ENTPD6: variants seen among roughly 807,000 people sequenced by gnomAD.
The protein encoded by ENTPD6 is CD39 antigen-like 2.
ENTPD6 carries 46 observed loss-of-function variants against 61.5 expected under a neutral mutation model. The ratio of observed to expected loss-of-function variants is 0.75; its 90% CI spans 0.59 to 0.96. The LOEUF (loss-of-function observed/expected upper bound fraction) is 0.96, where lower values mean the gene tolerates loss of function less well. ENTPD6 is among the 40% of genes least tolerant of loss of function. The probability of loss-of-function intolerance (pLI) is 0.00; values close to 1 mark genes in which losing one functional copy is unlikely to be tolerated. For missense variants in ENTPD6, 612 were observed against 629.0 expected, an observed-to-expected ratio of 0.97 and a Z score of 0.29; for synonymous variants, 252 against 255.5, an observed-to-expected ratio of 0.99 and a Z score of 0.13.
At chr20:25,201,377 A>G (rs2091019280) in intron 1 of ENTPD6, among the ~76,000 whole-genome samples, 1 of 152,148 alleles carries the variant, frequency 6.6e-6, no homozygotes, top group Non-Finnish European at 1.5e-5. Context: ...TAATATTACT[A>G]TTATTGATAG....
intron 1 of ENTPD6, chr20:25,196,370 T>A: frequency 2.9e-6 from 1 of 343,340 alleles, no homozygotes; most frequent in Non-Finnish European, 4.1e-6. Flanking sequence ...AGCTGACCTG[T>A]GAGCCGCGAA....
intron 1 of ENTPD6, chr20:25,197,192 C>T (rs554438601): frequency 1.0e-6 from 1 of 985,486 alleles, no homozygotes; most frequent in Admixed American, 6.1e-5. Context: ...AGGCAGCCAT[C>T]AATCCACATC....
intron 12 of ENTPD6, chr20:25,223,833 G>T: frequency 2.9e-6 from 1 of 343,832 alleles, no homozygotes; most frequent in Non-Finnish European, 5.2e-6. Context: ...CTCAATTTGG[G>T]GTCCTGGGTT....
intron 1 of ENTPD6, among the ~76,000 whole-genome samples, chr20:25,197,788 C>G (rs2090619932): frequency 6.6e-6 from 1 of 152,200 alleles, no homozygotes; most frequent in African/African-American, 2.4e-5. Context: ...TGGACTCTTG[C>G]TTTTGTCTTC....
chr20:25,196,091 G>C, intron 1 of ENTPD6: 1 of 1,073,238 alleles, frequency 9.3e-7, no homozygotes, highest in Non-Finnish European at 1.2e-6. Flanking sequence ...GCCACAGGGC[G>C]GGCCAAATAG....
At chr20:25,207,434 T>G in intron 3 of ENTPD6, 37 bp downstream of exon 3, 67 of 1,482,994 alleles carry the variant, frequency 4.5e-5, no homozygotes, top group Non-Finnish European at 5.7e-5. Context: ...CGGGATCTCC[T>G]CCCCTGTGCT....
At chr20:25,215,034 C>T in intron 6 of ENTPD6, 92 bp downstream of exon 6, 1 of 840,396 alleles carries the variant, frequency 1.2e-6, no homozygotes. Context: ...CCACCCCTCC[C>T]CGCCCCATGT....
At chr20:25,203,436 C>T (rs992845641) in intron 1 of ENTPD6, among the ~76,000 whole-genome samples, 4 of 152,206 alleles carry the variant, frequency 2.6e-5, no homozygotes, top group African/African-American at 9.6e-5. Flanking sequence ...CCCTAAGTCC[C>T]TGAGGCTCTG....
intron 1 of ENTPD6, among the ~76,000 whole-genome samples, chr20:25,202,845 C>A (rs900178262): frequency 6.6e-6 from 1 of 152,118 alleles, no homozygotes; most frequent in African/African-American, 2.4e-5. Context: ...TATATTTGTC[C>A]CTCCATTTGC....
chr20:25,223,174 A>T (rs1314466323), intron 12 of ENTPD6, among the ~76,000 whole-genome samples, 196 bp downstream of exon 12: 1 of 152,166 alleles, frequency 6.6e-6, no homozygotes, highest in Non-Finnish European at 1.5e-5. Flanking sequence ...GCCCTTCAGT[A>T]AAACCTCGTG....
intron 1 of ENTPD6, chr20:25,196,123 G>T: frequency 8.3e-7 from 1 of 1,204,424 alleles, no homozygotes; most frequent in Non-Finnish European, 1.0e-6. Flanking sequence ...AGCCCCAGGG[G>T]GCCCCAGCCC....
At position 25,225,383 on chromosome 20, in the gene ENTPD6, A is replaced by C. The variant is rs1485502730; in HGVS notation, c.1356+66A>C. The C allele has an allele frequency of 1.6e-5, 26 of 1,595,436 alleles. No homozygotes were observed. The South Asian group carries it at 2.7e-4, about 17-fold the overall frequency. ...GTGAGGGGCCTAGAACCACTTCTCC[A>C]GTTGCTGGGGTCATGTCCCCCAGCC... On this transcript the variant is annotated intron_variant, in intron 14 of 14. Transcript: ENST00000376652.
intron 8 of ENTPD6, 135 bp from the exon 9 acceptor site, chr20:25,217,367 A>G: frequency 1.3e-6 from 1 of 784,554 alleles, no homozygotes; most frequent in Non-Finnish European, 2.1e-6. Flanking sequence ...CCTGTCTCGC[A>G]GCCAGCGACC....
chr20:25,209,856 C>A lies in ENTPD6; in HGVS notation c.384C>A (p.Pro128=), dbSNP rs772057782. The change falls in exon 4 of 15, where the codon CCC becomes CCA. Residue 128 remains proline, a synonymous_variant. Transcript: ENST00000376652. ...FQFTRPPRET[P]TLTHETFKAL... is the part of the protein sequence containing the mutation. ...AACATGTTTTCCCCTTAGAAACTCCCACGTTAACCCACGAAACCTTCAAAG... is the reference window on the plus strand; with the variant it reads ...AACATGTTTTCCCCTTAGAAACTCCAACGTTAACCCACGAAACCTTCAAAG... The A allele has an allele frequency of 7.4e-6, 12 of 1,613,932 alleles. No individual in the cohort carries two copies. Among genetic ancestry groups the A allele is most frequent in the Non-Finnish European group, 9.3e-6 (11 of 1,179,792 alleles).
chr20:25,222,926 C>T lies in ENTPD6; in HGVS notation c.1134C>T (p.Asp378=), dbSNP rs979831755. 3 of 1,612,252 alleles carry T rather than the reference C, an allele frequency of 1.9e-6. No individual in the cohort carries two copies. Among genetic ancestry groups the T allele is most frequent in the Non-Finnish European group, 1.7e-6 (2 of 1,179,068 alleles). The change falls in exon 12 of 15, where the codon GAC becomes GAT. Residue 378 remains aspartate (D), a synonymous_variant. Transcript: ENST00000376652. Reference sequence around the variant, plus strand: ...GGACGGAGGAAGTGAAGCATGTGGACTTCTATGCTTTCTCCTACTATTACG... The same window carrying T: ...GGACGGAGGAAGTGAAGCATGTGGATTTCTATGCTTTCTCCTACTATTACG... ...VHRTEEVKHV[D]FYAFSYYYDL...
chr20:25,215,444 A>AT (rs1171874907), intron 6 of ENTPD6, among the ~76,000 whole-genome samples: 1 of 152,200 alleles, frequency 6.6e-6, no homozygotes, highest in Non-Finnish European at 1.5e-5. Flanking sequence ...GAGACGCAGC[A>AT]TTTGGTGAAG....
chr20:25,196,264 G>A, intron 1 of ENTPD6: 1 of 1,063,316 alleles, frequency 9.4e-7, no homozygotes, highest in Non-Finnish European at 1.1e-6. Context: ...GGTAGGATCA[G>A]GCCGCTCGGA....
At position 25,217,513 on chromosome 20, in the gene ENTPD6, G is replaced by C. The variant is rs2092379536; in HGVS notation, c.810G>C (p.Gln270His). 1 of 1,613,998 alleles carries C rather than the reference G, an allele frequency of 6.2e-7. No homozygotes were observed. Among genetic ancestry groups the C allele is most frequent in the African/African-American group, 1.3e-5 (1 of 74,902 alleles). ...TCGTTCTTCTCCAGGGCACCCTGCA[G>C]GCCTCCCCACCCGGCTACCTGACGG... ...AFLPRVEGTL[Q>H]ASPPGYLTAL... is the part of the protein sequence containing the mutation. The change falls in exon 9 of 15, where the codon CAG becomes CAC. Residue 270 changes from glutamine (Q) to histidine (H), a missense_variant. Physicochemically the swap from Gln to His is conservative, Grantham distance 24. Transcript: ENST00000376652.
chr20:25,213,545 A>T, intron 5 of ENTPD6, 139 bp downstream of exon 5: 1 of 788,366 alleles, frequency 1.3e-6, no homozygotes, highest in Non-Finnish European at 2.0e-6. Flanking sequence ...CATCACTTTT[A>T]GGTGGAGGGA....
Sources: gnomAD v4.1 joint callset for allele counts (sites outside exome capture counted in the v4.1 genomes callset) on GRCh38, gnomAD v4.1.1 for gene constraint, MANE v1.5 for transcripts, NCBI Gene and HGNC (gene_info 2026-07-23, HGNC 2026-07-21) for gene names.